C12orf42: variants seen among roughly 807,000 people sequenced by gnomAD.
C12orf42 encodes the protein chromosome 12 open reading frame 42.
Under a neutral mutation model 21.6 loss-of-function variants are expected in C12orf42, and 25 were observed. The ratio of observed to expected loss-of-function variants is 1.16; its 90% CI spans 0.84 to 1.62. The LOEUF is 1.62. Among genes scored for constraint, C12orf42 ranks in the 40% most tolerant of loss-of-function variants. C12orf42 has a pLI of 0.00. For missense variants in C12orf42, 483 were observed against 459.3 expected (o/e 1.05, Z -0.47); for synonymous variants, 174 against 175.0 (o/e 0.99, Z 0.05).
At chr12:103,403,895 G>A (rs574370539) in intron 2 of C12orf42, among the ~76,000 whole-genome samples, 10 of 152,248 alleles carry the variant, frequency 6.6e-5, no homozygotes, top group African/African-American at 2.2e-4. Flanking sequence ...TATTTCAGTG[G>A]AGATTTCTTA....
At chr12:103,552,848 C>T in the C12orf42 span, among the ~76,000 whole-genome samples, 1 of 152,124 alleles carries the variant, frequency 6.6e-6, no homozygotes, top group African/African-American at 2.4e-5. Flanking sequence ...GAAACTTATA[C>T]TCATGGTGGA....
chr12:103,371,458 T>C (rs942222834), intron 3 of C12orf42, among the ~76,000 whole-genome samples: 1 of 152,198 alleles, frequency 6.6e-6, no homozygotes, highest in Non-Finnish European at 1.5e-5. Flanking sequence ...CAGAAACCCC[T>C]TCTTTATAAG....
the C12orf42 span, among the ~76,000 whole-genome samples, chr12:103,172,355 T>C: frequency 1.3e-5 from 2 of 152,090 alleles, no homozygotes; most frequent in Admixed American, 6.6e-5. Flanking sequence ...AGGAAGTTGA[T>C]GGAATGAGCC....
At chr12:103,220,310 G>A in the C12orf42 span, among the ~76,000 whole-genome samples, 5 of 152,076 alleles carry the variant, frequency 3.3e-5, no homozygotes, top group Non-Finnish European at 5.9e-5. Flanking sequence ...ACGGGTTGAT[G>A]GGTGCAGCAA....
chr12:103,348,147 C>T (rs956487071), intron 4 of C12orf42, among the ~76,000 whole-genome samples: 3 of 152,224 alleles, frequency 2.0e-5, no homozygotes, highest in Non-Finnish European at 4.4e-5. Context: ...CCATGTACTA[C>T]TCTAGTCCCT....
the C12orf42 span, among the ~76,000 whole-genome samples, chr12:103,097,195 G>T: frequency 6.6e-6 from 1 of 152,136 alleles, no homozygotes; most frequent in African/African-American, 2.4e-5. Flanking sequence ...GTTTACAAAA[G>T]AAAGCAATTA....
chr12:103,363,860 T>A (rs751080055), intron 4 of C12orf42, among the ~76,000 whole-genome samples: 1 of 151,970 alleles, frequency 6.6e-6, no homozygotes, highest in Non-Finnish European at 1.5e-5. Context: ...TACTATTAGA[T>A]CTAAGAAATG....
At chr12:103,388,096 C>T (rs1344053810) in intron 3 of C12orf42, among the ~76,000 whole-genome samples, 2 of 152,186 alleles carry the variant, frequency 1.3e-5, no homozygotes, top group Non-Finnish European at 2.9e-5. Context: ...GTCCTCCACT[C>T]TTAAGTGTGC....
the C12orf42 span, among the ~76,000 whole-genome samples, chr12:103,503,198 T>C: frequency 1.3e-5 from 2 of 152,152 alleles, no homozygotes; most frequent in East Asian, 3.9e-4. Context: ...CTGTGGGTGC[T>C]TACAAATCTT....
intron 10 of C12orf42, among the ~76,000 whole-genome samples, chr12:103,239,012 G>A (rs1054556717): frequency 2.0e-5 from 3 of 152,166 alleles, no homozygotes; most frequent in Admixed American, 6.5e-5. Flanking sequence ...TGGGAGTGTG[G>A]CTAGTCTCTG....
chr12:103,233,125 G>A (rs1441301212), downstream of C12orf42, among the ~76,000 whole-genome samples: 1 of 152,060 alleles, frequency 6.6e-6, no homozygotes, highest in Non-Finnish European at 1.5e-5. Flanking sequence ...ATCAAAGATC[G>A]ATTGACTATA....
chr12:103,512,031 G>T, the C12orf42 span, among the ~76,000 whole-genome samples: 2 of 152,124 alleles, frequency 1.3e-5, no homozygotes, highest in African/African-American at 4.8e-5. Context: ...AATATTTGAG[G>T]TTGCTCCTTG....
intron 2 of C12orf42, among the ~76,000 whole-genome samples, chr12:103,413,797 C>CA (rs2049058960): frequency 6.6e-6 from 1 of 152,092 alleles, no homozygotes; most frequent in Non-Finnish European, 1.5e-5. Context: ...CAGGTTGCTG[C>CA]AAATGCCATT....
chr12:103,259,940 G>C (rs1461422227), intron 10 of C12orf42, among the ~76,000 whole-genome samples: 1 of 151,994 alleles, frequency 6.6e-6, no homozygotes, highest in African/African-American at 2.4e-5. Context: ...TTTATCCAAG[G>C]TTCAGGTCAA....
intron 4 of C12orf42, among the ~76,000 whole-genome samples, chr12:103,350,782 A>T (rs1195863243): frequency 1.3e-5 from 2 of 152,136 alleles, no homozygotes; most frequent in African/African-American, 4.8e-5. Flanking sequence ...CTTTTCTCTC[A>T]GTCCATTTTC....
the C12orf42 span, among the ~76,000 whole-genome samples, chr12:103,517,299 G>C: frequency 6.6e-6 from 1 of 152,318 alleles, no homozygotes; most frequent in Non-Finnish European, 1.5e-5. Flanking sequence ...AACGAGTTTA[G>C]GAATTAATCA....
At chr12:103,140,525 CAA>C in the C12orf42 span, among the ~76,000 whole-genome samples, 4 of 152,078 alleles carry the variant, frequency 2.6e-5, no homozygotes, top group Admixed American at 2.6e-4. Flanking sequence ...GCCAACACCG[CAA>C]AAGAGTCGGA....
chr12:103,238,250 G>A (rs2033549059), intron 10 of C12orf42, among the ~76,000 whole-genome samples: 1 of 151,504 alleles, frequency 6.6e-6, no homozygotes, highest in Non-Finnish European at 1.5e-5. Context: ...AACCTACTGT[G>A]TGTGGCTGCT....
At chr12:103,442,782 A>G (rs1178881311) in intron 2 of C12orf42, among the ~76,000 whole-genome samples, 2 of 152,230 alleles carry the variant, frequency 1.3e-5, no homozygotes, top group Non-Finnish European at 2.9e-5. Flanking sequence ...CTTTTTAAAA[A>G]GAAAAGAGTA....
Sources: gnomAD v4.1 joint callset for allele counts (sites outside exome capture counted in the v4.1 genomes callset) on GRCh38, gnomAD v4.1.1 for gene constraint, MANE v1.5 for transcripts, NCBI Gene and HGNC (gene_info 2026-07-23, HGNC 2026-07-21) for gene names.